HECW1: variants seen among roughly 807,000 people sequenced by gnomAD.
HECW1 encodes HECT, C2 and WW domain containing E3 ubiquitin protein ligase 1, also known as E3 ubiquitin-protein ligase HECW1.
HECW1 carries 61 observed loss-of-function variants against 182.3 expected under a neutral mutation model. The observed-to-expected ratio is 0.33, with a 90% CI of 0.27 to 0.41. The LOEUF is 0.41. Ranked by LOEUF, HECW1 falls within the 10% of genes least tolerant of loss-of-function variation. The pLI, the probability that HECW1 is intolerant of heterozygous loss-of-function variation, is 1.00. For missense variants in HECW1, 1,739 were observed against 2,108.9 expected (o/e 0.82, Z 3.44); for synonymous variants, 859 against 832.6 (o/e 1.03, Z -0.55).
At chr7:43,343,145 T>C (rs1813226402) in intron 5 of HECW1, among the ~76,000 whole-genome samples, 2 of 151,838 alleles carry the variant, frequency 1.3e-5, no homozygotes, top group Non-Finnish European at 2.9e-5. Context: ...GATTATACTC[T>C]GGTTCATAAG....
At chr7:43,356,355 A>G (rs1004449425) in intron 5 of HECW1, among the ~76,000 whole-genome samples, 10 of 152,216 alleles carry the variant, frequency 6.6e-5, no homozygotes, top group African/African-American at 2.2e-4. Context: ...GCAAGCGGCT[A>G]TGAAAATCTA....
In HECW1 at chr7:43,133,153, C is replaced by T. The variant is rs117749707; in HGVS notation, c.-32+18762C>T. 5.2e-3 allele frequency among the ~76,000 whole-genome samples: 787 copies of T among 152,130 alleles called. 5 individuals are homozygous for T. Among genetic ancestry groups the T allele is most frequent in the Non-Finnish European group, 9.0e-3 (609 of 67,964 alleles). ...AAACTATCTTTACAGCCTTCAAATA[C>T]ACCCAACCTGAGCACTATTATTTTT... On this transcript the variant is annotated intron_variant, in intron 2 of 29. Transcript: ENST00000395891.
At chr7:43,333,281 C>T (rs1811720623) in intron 5 of HECW1, among the ~76,000 whole-genome samples, 1 of 152,348 alleles carries the variant, frequency 6.6e-6, no homozygotes, top group African/African-American at 2.4e-5. Context: ...CAGTCTTTCT[C>T]ATATCCAGAT....
intron 2 of HECW1, among the ~76,000 whole-genome samples, chr7:43,122,341 A>C (rs1338067411): frequency 6.6e-6 from 1 of 152,178 alleles, no homozygotes; most frequent in East Asian, 1.9e-4. Flanking sequence ...TTTCCAGGTG[A>C]TGCTCACTAG....
chr7:43,414,281 CTTGTGATTT>C (rs2152851218), intron 8 of HECW1, among the ~76,000 whole-genome samples: 1 of 146,216 alleles, frequency 6.8e-6, no homozygotes, highest in African/African-American at 2.5e-5. Flanking sequence ...TATAAGAATG[CTTGTGATTT>C]TTGTACATTG....
At chr7:43,282,783 A>T (rs368559724) in intron 3 of HECW1, among the ~76,000 whole-genome samples, 1 of 152,206 alleles carries the variant, frequency 6.6e-6, no homozygotes, top group African/African-American at 2.4e-5. Flanking sequence ...AATCAATATT[A>T]TGCTTCACAG....
intron 6 of HECW1, among the ~76,000 whole-genome samples, chr7:43,368,794 G>A (rs150279988): frequency 0.01 from 1,583 of 152,146 alleles, 15 homozygotes; most frequent in Non-Finnish European, 0.017. Context: ...TAGTGTAGGG[G>A]TGGGTGGTTT....
chr7:43,200,690 T>C (rs1288039109), intron 2 of HECW1, among the ~76,000 whole-genome samples: 2 of 152,226 alleles, frequency 1.3e-5, no homozygotes, highest in Admixed American at 6.5e-5. Context: ...TCTGCTCTTA[T>C]GGCCAGCTCT....
intron 12 of HECW1, among the ~76,000 whole-genome samples, chr7:43,452,367 C>T (rs1167784643): frequency 1.3e-5 from 2 of 152,040 alleles, no homozygotes; most frequent in African/African-American, 2.4e-5. Flanking sequence ...TACATAAATC[C>T]GTTGTAAAAT....
intron 2 of HECW1, among the ~76,000 whole-genome samples, chr7:43,150,149 A>G (rs1161996341): frequency 1.3e-5 from 2 of 152,186 alleles, no homozygotes; most frequent in African/African-American, 4.8e-5. Context: ...CTGCCCAATA[A>G]CCCTATTATT....
intron 9 of HECW1, among the ~76,000 whole-genome samples, chr7:43,441,769 T>C (rs998821247): frequency 1.3e-5 from 2 of 152,240 alleles, no homozygotes; most frequent in Admixed American, 6.5e-5. Context: ...GAATTTCATA[T>C]AATTTTCACA....
At chr7:43,386,152 C>A (rs566760693) in intron 6 of HECW1, among the ~76,000 whole-genome samples, 6 of 152,222 alleles carry the variant, frequency 3.9e-5, no homozygotes, top group Non-Finnish European at 8.8e-5. Flanking sequence ...ACCCTTCTCA[C>A]CTTGAATCTT....
intron 24 of HECW1, among the ~76,000 whole-genome samples, chr7:43,516,239 G>T (rs1450727894): frequency 6.6e-6 from 1 of 152,094 alleles, no homozygotes; most frequent in African/African-American, 2.4e-5. Flanking sequence ...CAGTAAATAT[G>T]TGTGGAAGGA....
At chr7:43,516,457 G>C (rs954068348) in intron 24 of HECW1, among the ~76,000 whole-genome samples, 26 of 152,220 alleles carry the variant, frequency 1.7e-4, no homozygotes, top group Non-Finnish European at 3.5e-4. Flanking sequence ...AAGTAAATTT[G>C]GAGCCTCTCA....
At chr7:43,461,255 G>T (rs934530639) in intron 13 of HECW1, among the ~76,000 whole-genome samples, 1 of 152,208 alleles carries the variant, frequency 6.6e-6, no homozygotes, top group Non-Finnish European at 1.5e-5. Context: ...GCTGGCTGTG[G>T]GCTGGGCCTC....
At chr7:43,398,322 A>G (rs766949116) in intron 7 of HECW1, among the ~76,000 whole-genome samples, 3 of 152,208 alleles carry the variant, frequency 2.0e-5, no homozygotes, top group Non-Finnish European at 4.4e-5. Context: ...TCTGGCTAAC[A>G]TGATATACAA....
chr7:43,470,696 C>T (rs73329814), intron 16 of HECW1, among the ~76,000 whole-genome samples: 247 of 152,276 alleles, frequency 1.6e-3, no homozygotes, highest in African/African-American at 5.4e-3. Flanking sequence ...AATGAGAAGA[C>T]TTTCAGTTAT....
chr7:43,178,232 C>T (rs976999410), intron 2 of HECW1, among the ~76,000 whole-genome samples: 2 of 152,190 alleles, frequency 1.3e-5, no homozygotes, highest in Non-Finnish European at 2.9e-5. Context: ...TCTCAAACTC[C>T]TGAACTCAAA....
At chr7:43,508,836 T>A (rs2079718815) in intron 23 of HECW1, 133 bp from the exon 24 acceptor site, 1 of 842,864 alleles carries the variant, frequency 1.2e-6, no homozygotes, top group African/African-American at 1.7e-5. Context: ...TGGCATTCAC[T>A]CCAAAGAGCA....
Sources: allele counts gnomAD v4.1 joint callset (sites outside exome capture counted in the v4.1 genomes callset), GRCh38; gene constraint gnomAD v4.1.1; transcripts MANE v1.5; gene names NCBI Gene and HGNC (gene_info 2026-07-23, HGNC 2026-07-21).